Variants in CSMD3 observed in about 807,000 individuals in gnomAD.
CSMD3 encodes CUB and Sushi multiple domains 3.
Under a neutral mutation model 435.2 loss-of-function variants are expected in CSMD3, and 177 were observed. The observed-to-expected ratio is 0.41, with a 90% CI of 0.36 to 0.46. The LOEUF is 0.46. Among genes scored for constraint, CSMD3 ranks in the 20% least tolerant of loss-of-function variants. CSMD3 has a pLI of 0.34. For synonymous variants in CSMD3, 1,656 were observed against 1,520.5 expected (o/e 1.09, Z -2.07); for missense variants, 4,265 against 4,504.6 (o/e 0.95, Z 1.52).
chr8:113,142,050 G>C (rs1193563854), intron 4 of CSMD3, among the ~76,000 whole-genome samples: 1 of 150,998 alleles, frequency 6.6e-6, no homozygotes, highest in Admixed American at 6.6e-5. Flanking sequence ...AAATACTTAG[G>C]TGTGAACCTA....
chr8:112,751,074 TAAA>T (rs11287730), intron 13 of CSMD3, among the ~76,000 whole-genome samples: 5 of 150,112 alleles, frequency 3.3e-5, no homozygotes, highest in African/African-American at 9.8e-5. Context: ...AGCTTTGTAT[TAAA>T]AAAAAAAAAT....
At chr8:112,628,747 G>A (rs1246633855) in intron 22 of CSMD3, among the ~76,000 whole-genome samples, 1 of 152,128 alleles carries the variant, frequency 6.6e-6, no homozygotes, top group Non-Finnish European at 1.5e-5. Flanking sequence ...AATCTAGAAA[G>A]GGGAGATATG....
chr8:113,245,226 T>C (rs1478896525), intron 3 of CSMD3, among the ~76,000 whole-genome samples: 3 of 152,094 alleles, frequency 2.0e-5, no homozygotes, highest in African/African-American at 7.2e-5. Flanking sequence ...TGCCTCTTGA[T>C]TGAAATGTTG....
At chr8:112,409,656 A>G (rs1224132808) in intron 32 of CSMD3, among the ~76,000 whole-genome samples, 2 of 152,022 alleles carry the variant, frequency 1.3e-5, no homozygotes, top group African/African-American at 4.8e-5. Context: ...ATATCATAAA[A>G]TTTTGCAAAA....
rs1015240509 is a variant in CSMD3, at chr8:113,195,814, T to TACAC, written c.515-21902_515-21899dup. Among the ~76,000 whole-genome samples, 126 of 133,436 alleles carry TACAC rather than the reference T, an allele frequency of 9.4e-4. 1 individual carries two copies. The East Asian group carries it at 0.012, about 12-fold the overall frequency. The allele number at this position is 133,436 out of a possible 152,430, so 87.5% of individuals were successfully genotyped here. A position where few individuals can be genotyped will look rare whatever the true frequency, so the allele number is the denominator to read the frequency against. ...TTTTATATATATATATATATATATA[T>TACAC]ACACACACACACACACACACACACA... On this transcript the variant is annotated intron_variant, in intron 3 of 70. Transcript: ENST00000297405.
intron 1 of CSMD3, among the ~76,000 whole-genome samples, chr8:113,358,126 A>T (rs1417781142): frequency 1.3e-5 from 2 of 152,216 alleles, no homozygotes; most frequent in African/African-American, 2.4e-5. Context: ...CCAATATAAT[A>T]TTGTAATGTG....
At chr8:112,372,233 A>G (rs1828467143) in intron 38 of CSMD3, among the ~76,000 whole-genome samples, 1 of 152,210 alleles carries the variant, frequency 6.6e-6, no homozygotes, top group Non-Finnish European at 1.5e-5. Context: ...GGCATGTTAC[A>G]TTTTAAAACA....
intron 1 of CSMD3, among the ~76,000 whole-genome samples, chr8:113,373,792 T>A (rs1390078453): frequency 6.6e-6 from 1 of 152,086 alleles, no homozygotes; most frequent in Non-Finnish European, 1.5e-5. Context: ...TATGCCTAGG[T>A]CACCTGACTC....
intron 3 of CSMD3, among the ~76,000 whole-genome samples, chr8:113,179,070 C>A (rs536321956): frequency 3.3e-5 from 5 of 151,718 alleles, no homozygotes; most frequent in African/African-American, 1.2e-4. Flanking sequence ...TAATTTAATA[C>A]TAATTCAATG....
chr8:113,142,523 G>A (rs2091573287), intron 4 of CSMD3, among the ~76,000 whole-genome samples: 1 of 151,092 alleles, frequency 6.6e-6, no homozygotes, highest in Admixed American at 6.6e-5. Flanking sequence ...ATGAAAGAAA[G>A]ATAACCATTT....
chr8:113,188,979 G>T lies in CSMD3; in HGVS notation c.515-15063C>A, dbSNP rs1333226272. Among the ~76,000 whole-genome samples the T allele has an allele frequency of 2.6e-5, 4 of 151,630 alleles. No homozygotes were observed. In the South Asian group the frequency reaches 8.3e-4, roughly 31 times the overall value. On this transcript the variant is annotated intron_variant, in intron 3 of 70. Coordinates refer to ENST00000297405, the MANE Select transcript of CSMD3 (RefSeq NM_198123.2). ...TCATACTGAAAAGGTGATCATTTGG[G>T]CACAGACTCATTTTCCTCAGAAAAT... is the stretch of plus-strand genomic sequence containing the variant.
At chr8:113,088,778 T>C (rs1457367370) in intron 5 of CSMD3, among the ~76,000 whole-genome samples, 4 of 150,030 alleles carry the variant, frequency 2.7e-5, no homozygotes, top group African/African-American at 9.8e-5. Context: ...AGTTAATGGG[T>C]GCAGCACACC....
intron 30 of CSMD3, among the ~76,000 whole-genome samples, 184 bp from the exon 31 acceptor site, chr8:112,492,867 C>T (rs896921539): frequency 6.6e-6 from 1 of 151,646 alleles, no homozygotes; most frequent in Admixed American, 6.6e-5. Context: ...AGTATAACAA[C>T]CGTTTACCTA....
chr8:112,789,004 C>A (rs2078622389), intron 13 of CSMD3, among the ~76,000 whole-genome samples: 1 of 152,124 alleles, frequency 6.6e-6, no homozygotes, highest in African/African-American at 2.4e-5. Context: ...AAAATTCCCA[C>A]ACAAAATATC....
intron 13 of CSMD3, among the ~76,000 whole-genome samples, chr8:112,740,714 A>G (rs2077286739): frequency 6.6e-6 from 1 of 151,904 alleles, no homozygotes; most frequent in Non-Finnish European, 1.5e-5. Flanking sequence ...CTTGACAGAC[A>G]TGGTGAACAG....
intron 59 of CSMD3, among the ~76,000 whole-genome samples, chr8:112,280,231 C>T (rs1012901457): frequency 6.6e-6 from 1 of 152,120 alleles, no homozygotes; most frequent in African/African-American, 2.4e-5. Flanking sequence ...GAGGCTTCAG[C>T]AACATCCTCT....
intron 45 of CSMD3, among the ~76,000 whole-genome samples, chr8:112,326,225 A>G (rs1328465743): frequency 1.3e-5 from 2 of 152,176 alleles, no homozygotes; most frequent in African/African-American, 4.8e-5. Context: ...GAAGGCAACA[A>G]AGGGGAATTA....
intron 1 of CSMD3, among the ~76,000 whole-genome samples, chr8:113,395,574 A>G (rs958890470): frequency 6.7e-6 from 1 of 149,074 alleles, no homozygotes; most frequent in Non-Finnish European, 1.5e-5. Context: ...GCGCCACTGC[A>G]CTCCAGCCTG....
intron 1 of CSMD3, among the ~76,000 whole-genome samples, chr8:113,378,307 T>A (rs2133092185): frequency 6.6e-6 from 1 of 152,312 alleles, no homozygotes; most frequent in East Asian, 1.9e-4. Context: ...GCCTCCTCAG[T>A]GTCAGTCCTG....
Sources: allele counts gnomAD v4.1 joint callset (sites outside exome capture counted in the v4.1 genomes callset), GRCh38; gene constraint gnomAD v4.1.1; transcripts MANE v1.5; gene names NCBI Gene and HGNC (gene_info 2026-07-23, HGNC 2026-07-21).